Variants in NFIL3 observed in about 807,000 individuals in gnomAD.
The protein encoded by NFIL3 is nuclear factor, interleukin 3 regulated.
NFIL3 carries 5 observed loss-of-function variants against 10.0 expected under a neutral mutation model. The observed-to-expected ratio is 0.50, with a 90% confidence interval of 0.26 to 1.06. The LOEUF is 1.06. NFIL3 is among the 50% of genes least tolerant of loss of function. The probability of loss-of-function intolerance (pLI) is 0.13; values close to 1 mark genes in which losing one functional copy is unlikely to be tolerated. For missense variants in NFIL3, 436 were observed against 547.6 expected, an observed-to-expected ratio of 0.80 and a Z score of 2.03; for synonymous variants, 202 against 206.5, an observed-to-expected ratio of 0.98 and a Z score of 0.19.
At chr9:91,423,988 G>GCCCCGCCT (rs1367349828), upstream of NFIL3, 4 of 131,346 alleles carry the variant, frequency 3.0e-5, no homozygotes, top group Admixed American at 2.2e-4. Context: ...CCGCGGCCCC[G>GCCCCGCCT]CCCCGCCTCC....
At chr9:91,431,610 A>G in the NFIL3 span, among the ~76,000 whole-genome samples, 1 of 152,182 alleles carries the variant, frequency 6.6e-6, no homozygotes, top group African/African-American at 2.4e-5. Flanking sequence ...AGCCAGCTGG[A>G]GACTAGAAGC....
chr9:91,449,950 A>C, the NFIL3 span, among the ~76,000 whole-genome samples: 1 of 152,010 alleles, frequency 6.6e-6, no homozygotes, highest in Admixed American at 6.5e-5. Flanking sequence ...GTATTTCTAA[A>C]AGTTTGTCCA....
the NFIL3 span, among the ~76,000 whole-genome samples, chr9:91,436,576 TCAACAACAACAACAACAACAA>T: frequency 2.9e-5 from 4 of 138,610 alleles, no homozygotes; most frequent in African/African-American, 1.1e-4. Flanking sequence ...AGACTCTGCC[TCAACAACAACAACAACAACAA>T]CAACAACAAC....
At chr9:91,462,582 T>C in the NFIL3 span, among the ~76,000 whole-genome samples, 6 of 152,110 alleles carry the variant, frequency 3.9e-5, no homozygotes, top group African/African-American at 1.4e-4. Context: ...TATGCTTTGT[T>C]GAACTCAATT....
the NFIL3 span, among the ~76,000 whole-genome samples, chr9:91,470,352 G>T: frequency 2.7e-5 from 4 of 148,118 alleles, no homozygotes; most frequent in South Asian, 8.8e-4. Context: ...ATGGTAGTTT[G>T]TATTTCTGTG....
the NFIL3 span, among the ~76,000 whole-genome samples, chr9:91,440,949 A>G: frequency 1.3e-5 from 2 of 152,096 alleles, no homozygotes; most frequent in African/African-American, 4.8e-5. Flanking sequence ...AGAATATTCC[A>G]TGTGTACTTG....
chr9:91,451,711 G>T, the NFIL3 span, among the ~76,000 whole-genome samples: 1 of 152,150 alleles, frequency 6.6e-6, no homozygotes, highest in Non-Finnish European at 1.5e-5. Context: ...AGATGTGTGG[G>T]TTCTTGTCTT....
At chr9:91,414,134 G>A (rs1833608050) in intron 1 of NFIL3, among the ~76,000 whole-genome samples, 1 of 152,216 alleles carries the variant, frequency 6.6e-6, no homozygotes, top group African/African-American at 2.4e-5. Flanking sequence ...TCTTCTAGGT[G>A]TCTAAGTACT....
At chr9:91,436,589 C>T in the NFIL3 span, among the ~76,000 whole-genome samples, 2 of 142,566 alleles carry the variant, frequency 1.4e-5, no homozygotes, top group Admixed American at 1.4e-4. Flanking sequence ...ACAACAACAA[C>T]AACAACAACA....
chr9:91,416,203 A>T (rs1461864439), intron 1 of NFIL3, among the ~76,000 whole-genome samples: 1 of 151,338 alleles, frequency 6.6e-6, no homozygotes, highest in East Asian at 1.9e-4. Flanking sequence ...ATCTGTTTTC[A>T]ACATGAGGCG....
the NFIL3 span, among the ~76,000 whole-genome samples, chr9:91,432,537 C>T: frequency 9.8e-5 from 15 of 152,298 alleles, no homozygotes; most frequent in East Asian, 2.9e-3. Context: ...ATGTCCCTCA[C>T]GAAAAGTAGC....
the NFIL3 span, among the ~76,000 whole-genome samples, chr9:91,443,293 C>G: frequency 3.9e-5 from 6 of 152,262 alleles, no homozygotes; most frequent in African/African-American, 1.4e-4. Flanking sequence ...TCCACAGACT[C>G]TACCTGGAAC....
At chr9:91,422,370 C>G (rs1833786334) in intron 1 of NFIL3, among the ~76,000 whole-genome samples, 1 of 152,050 alleles carries the variant, frequency 6.6e-6, no homozygotes, top group African/African-American at 2.4e-5. Context: ...TTTAGAAGAA[C>G]GTGCGTTTCA....
chr9:91,467,734 C>T, the NFIL3 span, among the ~76,000 whole-genome samples: 10,156 of 150,700 alleles, frequency 0.067, 631 homozygotes, highest in East Asian at 0.16. Flanking sequence ...CCCCGCCTTG[C>T]GCCCAAGTGT....
At chr9:91,433,074 A>G in the NFIL3 span, among the ~76,000 whole-genome samples, 2 of 152,340 alleles carry the variant, frequency 1.3e-5, no homozygotes, top group African/African-American at 4.8e-5. Context: ...GAGACAGGAA[A>G]AAAAAGAATT....
At chr9:91,419,491 C>A (rs1318462217) in intron 1 of NFIL3, among the ~76,000 whole-genome samples, 1 of 152,178 alleles carries the variant, frequency 6.6e-6, no homozygotes. Flanking sequence ...AACTGCACTG[C>A]ACAAAAATAA....
upstream of NFIL3, among the ~76,000 whole-genome samples, chr9:91,425,971 CT>C (rs374179014): frequency 1.5e-3 from 223 of 152,252 alleles, 2 homozygotes; most frequent in African/African-American, 4.9e-3. Context: ...GTGTTCTGAC[CT>C]TGTTCTGCAT....
the NFIL3 span, among the ~76,000 whole-genome samples, chr9:91,454,116 C>A: frequency 2.0e-5 from 3 of 151,726 alleles, no homozygotes; most frequent in Non-Finnish European, 4.4e-5. Flanking sequence ...TGCCTGTAGT[C>A]CCAGCTACTC....
At chr9:91,411,651 A>G (rs928743422) in intron 1 of NFIL3, among the ~76,000 whole-genome samples, 2 of 152,226 alleles carry the variant, frequency 1.3e-5, no homozygotes, top group East Asian at 3.8e-4. Flanking sequence ...TCTCTTTACA[A>G]GCATCTGAGT....
Sources: allele counts gnomAD v4.1 joint callset (sites outside exome capture counted in the v4.1 genomes callset), GRCh38; gene constraint gnomAD v4.1.1; transcripts MANE v1.5; gene names NCBI Gene and HGNC (gene_info 2026-07-23, HGNC 2026-07-21).